DPP9: variants seen among roughly 807,000 people sequenced by gnomAD.
DPP9 encodes the protein dipeptidyl peptidase IV-related protein-2.
Under a neutral mutation model 110.7 loss-of-function variants are expected in DPP9, and 50 were observed. The observed-to-expected ratio is 0.45, with a 90% CI of 0.36 to 0.57. The LOEUF (loss-of-function observed/expected upper bound fraction) is 0.57, where lower values mean the gene tolerates loss of function less well. DPP9 is among the 20% of genes least tolerant of loss of function. The pLI, the probability that DPP9 is intolerant of heterozygous loss-of-function variation, is 0.00. For missense variants in DPP9, 1,022 were observed against 1,217.9 expected (o/e 0.84, Z 2.39); for synonymous variants, 561 against 514.4 (o/e 1.09, Z -1.23).
Position 4,710,428 on chromosome 19 carries a change from C to T in DPP9, c.313+3653G>A, listed in dbSNP as rs143033185. Among the ~76,000 whole-genome samples the T allele has an allele frequency of 3.3e-4, 50 of 152,328 alleles. No individual in the cohort carries two copies. The highest frequency in any genetic ancestry group is 1.0e-3 in the African/African-American group (43 of 41,586). ...CGTGGGGCGGGAGCGGGGTCGGGAG[C>T]GTTTCCCAATGCTGCAGTCTGAGGC... is the stretch of plus-strand genomic sequence containing the variant. On this transcript the variant is annotated intron_variant, in intron 4 of 21. Coordinates refer to ENST00000262960, the MANE Select transcript of DPP9 (RefSeq NM_139159.5). The surrounding 1 kb of genome is among the most constrained non-coding windows in gnomAD (Gnocchi z 5.6).
In DPP9 at chr19:4,685,861, G is replaced by A; in HGVS notation, c.1886-90C>T. On this transcript the variant is annotated intron_variant, in intron 16 of 21. Coordinates refer to ENST00000262960, the MANE Select transcript of DPP9 (RefSeq NM_139159.5). The surrounding 1 kb of genome is among the most constrained non-coding windows in gnomAD (Gnocchi z 5.8). ...TCCTGCCCACCCCAAGCCTTGGAGG[G>A]TGGACCAAAGCACCCCCTCTTTTCC... 3 of 1,471,730 alleles carry A rather than the reference G, an allele frequency of 2.0e-6. No individual in the cohort carries two copies. Among genetic ancestry groups the A allele is most frequent in the Non-Finnish European group, 2.8e-6 (3 of 1,090,412 alleles). The allele number at this position is 1,471,730 out of a possible 1,614,324, so 91.2% of individuals were successfully genotyped here.
chr19:4,684,582 C>T lies in DPP9; in HGVS notation c.2178+81G>A. On this transcript the variant is annotated intron_variant, in intron 18 of 21. Coordinates refer to ENST00000262960, the MANE Select transcript of DPP9 (RefSeq NM_139159.5). This position sits in a 1 kb window ranked among gnomAD's most constrained non-coding sequence, Gnocchi z 4.8. ...TTCTGCGGGTGGTATTCCAGAGCCG[C>T]TCCCATGCCCTGCACCCACACGGCC... 1 of 1,539,316 alleles carries T rather than the reference C, an allele frequency of 6.5e-7. No homozygotes were observed. Among genetic ancestry groups the T allele is most frequent in the Admixed American group, 2.0e-5 (1 of 51,092 alleles).
intron 3 of DPP9, chr19:4,716,247 G>C (rs2093068396): frequency 1.3e-5 from 2 of 152,254 alleles, no homozygotes; most frequent in South Asian, 4.1e-4. Flanking sequence ...GCCAAGAGGA[G>C]ACCCCACAGG....
rs116285262 is a variant in DPP9 at position 4,683,861 on chromosome 19, C to T, written c.2179-232G>A. ...CCCAGGTGAGTGGCTCTGGGAGCCA[C>T]GTCCCCTCTGAGGGCGTCAGTTTGC... On this transcript the variant is annotated intron_variant, in intron 18 of 21. Transcript: ENST00000262960. The T allele has an allele frequency of 1.2e-3, 1,810 of 1,513,346 alleles. 28 individuals carry two copies. In the African/African-American group the frequency reaches 0.022, roughly 18 times the overall value. The allele number at this position is 1,513,346 out of a possible 1,614,324, so 93.7% of individuals were successfully genotyped here.
rs2089577177 is a variant in DPP9 at position 4,679,959 on chromosome 19, T to C, written c.2475-13A>G. The C allele has an allele frequency of 6.3e-7, 1 of 1,598,486 alleles. No homozygotes were observed. The highest frequency in any genetic ancestry group is 1.3e-5 in the African/African-American group (1 of 74,554). ...CAAGCGGTTGGGCCTGGAAAACAGA[T>C]GGGGAAGGGTCTGAGGCCAGGGATT... On this transcript the variant is annotated splice_polypyrimidine_tract_variant and intron_variant, in intron 20 of 21. Transcript: ENST00000262960.
In DPP9 at chr19:4,697,618, G is replaced by C. The variant is rs77657310; in HGVS notation, c.1108C>G (p.Pro370Ala). 485 of 1,613,850 alleles carry C rather than the reference G, an allele frequency of 3.0e-4. 2 individuals are homozygous for C. The East Asian group carries it at 0.011, about 35-fold the overall frequency. ...ACCTTCGGGAACAGCGAGCTGAAGG[G>C]CTGCACCAGCTCCTTCTCCTGGGTC... ...VSTQEKELVQ[P>A]FSSLFPKVEY... The change falls in exon 11 of 22, where the codon CCC becomes GCC. Residue 370 changes from proline to alanine, a missense_variant. Coordinates refer to ENST00000262960, the MANE Select transcript of DPP9 (RefSeq NM_139159.5).
At chr19:4,697,774 C>G in intron 10 of DPP9, 123 bp from the exon 11 acceptor site, 1 of 705,302 alleles carries the variant, frequency 1.4e-6, no homozygotes, top group Non-Finnish European at 2.4e-6. Context: ...TCTCAGCCCC[C>G]AGAACCCCAG....
At position 4,714,258 on chromosome 19, in the gene DPP9, T is replaced by C; in HGVS notation, c.136A>G (p.Thr46Ala). Residue 46 changes from threonine (T) to alanine (A), a missense_variant, in exon 4 of 22, where the codon ACA becomes GCA. Thr to Ala is a moderately conservative substitution (Grantham distance 58). This residue lies in a region of DPP9 where 810 missense variants were observed against 920.6 expected (regional missense o/e 0.88). Coordinates refer to ENST00000262960, the MANE Select transcript of DPP9 (RefSeq NM_139159.5). ...PTADRGDAAATDDPAARFQVQ... is the reference protein window; with the variant it reads ...PTADRGDAAAADDPAARFQVQ... ...TGGAAGCGGGCGGCCGGGTCATCTG[T>C]GGCGGCTGCGTCGCCTCGGTCGGCC... 6.3e-7 allele frequency: 1 copy of C among 1,578,104 alleles called. No individual in the cohort carries two copies. Among genetic ancestry groups the C allele is most frequent in the Non-Finnish European group, 8.6e-7 (1 of 1,163,574 alleles).
In DPP9 at chr19:4,676,267, C is replaced by A; in HGVS notation, c.*297G>T. 8.8e-6 allele frequency: 4 copies of A among 453,734 alleles called. No individual in the cohort carries two copies. The highest frequency in any genetic ancestry group is 8.6e-5 in the South Asian group (4 of 46,608). 28.1% of individuals were successfully genotyped at this position (453,734 alleles called of 1,614,324 possible). A position where few individuals can be genotyped will look rare whatever the true frequency, so the allele number is the denominator to read the frequency against. On this transcript the variant is annotated 3_prime_UTR_variant, in exon 22 of 22. Coordinates refer to ENST00000262960, the MANE Select transcript of DPP9 (RefSeq NM_139159.5). The surrounding 1 kb of genome is among the most constrained non-coding windows in gnomAD (Gnocchi z 4.0). ...TCCTCTGAGTCTCTTCTGGCCTCTCCAGTGCCCATCAGCGTGTGACCTCCT... is the reference window on the plus strand; with the variant it reads ...TCCTCTGAGTCTCTTCTGGCCTCTCAAGTGCCCATCAGCGTGTGACCTCCT...
At position 4,710,511 on chromosome 19, in the gene DPP9, C is replaced by T. The variant is rs1043569717; in HGVS notation, c.313+3570G>A. On this transcript the variant is annotated intron_variant, in intron 4 of 21. Transcript: ENST00000262960. The surrounding 1 kb of genome is among the most constrained non-coding windows in gnomAD (Gnocchi z 5.6). Reference sequence around the variant, plus strand: ...CAGCAGCAGGAACCGCACGTTCCCCCGCTGCTCCTGCTAGCCTGACGCTGG... The same window carrying T: ...CAGCAGCAGGAACCGCACGTTCCCCTGCTGCTCCTGCTAGCCTGACGCTGG... Among the ~76,000 whole-genome samples, 7 of 152,320 alleles carry T rather than the reference C, an allele frequency of 4.6e-5. No homozygotes were observed. The highest frequency in any genetic ancestry group is 7.3e-5 in the Non-Finnish European group (5 of 68,030).
chr19:4,681,012 C>T (rs996829282), intron 20 of DPP9, among the ~76,000 whole-genome samples: 1 of 152,206 alleles, frequency 6.6e-6, no homozygotes, highest in African/African-American at 2.4e-5. Flanking sequence ...TGGAGTGTGG[C>T]ATGGGCTACT....
chr19:4,713,954 G>A, intron 4 of DPP9, 127 bp downstream of exon 4: 1 of 1,365,282 alleles, frequency 7.3e-7, no homozygotes, highest in Non-Finnish European at 9.7e-7. Flanking sequence ...TCGAAGGACA[G>A]CATGCCCAGG....
intron 19 of DPP9, 199 bp from the exon 20 acceptor site, chr19:4,683,037 C>T: frequency 6.6e-7 from 1 of 1,516,866 alleles, no homozygotes; most frequent in Non-Finnish European, 8.8e-7. Flanking sequence ...GGCAGGGCGC[C>T]ACAGGCGGGC....
intron 3 of DPP9, among the ~76,000 whole-genome samples, chr19:4,717,195 C>T (rs2093121165): frequency 6.6e-6 from 1 of 152,224 alleles, no homozygotes; most frequent in Admixed American, 6.5e-5. Flanking sequence ...AGTTCAGCTC[C>T]TCCTGAGACA....
rs576236202 is a variant in DPP9 at position 4,700,341 on chromosome 19, C to T, written c.1013-64G>A. ...CACCCGTGTGTGCCGAGAGCCGGCA[C>T]GGGGGGCCTGGGCTGTGGGGTGACG... On this transcript the variant is annotated intron_variant, in intron 9 of 21. Transcript: ENST00000262960. This position sits in a 1 kb window ranked among gnomAD's most constrained non-coding sequence, Gnocchi z 4.3. The T allele has an allele frequency of 2.5e-5, 35 of 1,425,204 alleles. No individual in the cohort carries two copies. Among genetic ancestry groups the T allele is most frequent in the African/African-American group, 1.1e-4 (8 of 70,912 alleles). The allele number at this position is 1,425,204 out of a possible 1,614,324, so 88.3% of individuals were successfully genotyped here.
intron 19 of DPP9, 56 bp downstream of exon 19, chr19:4,683,421 G>A: frequency 6.2e-7 from 1 of 1,605,838 alleles, no homozygotes; most frequent in East Asian, 2.2e-5. Flanking sequence ...ACGCGGCGTA[G>A]ATGGGGAAGG....
chr19:4,690,805 G>T, intron 14 of DPP9, 73 bp downstream of exon 14: 2 of 1,131,018 alleles, frequency 1.8e-6, no homozygotes, highest in Non-Finnish European at 1.3e-6. Flanking sequence ...ATGCGCGTGC[G>T]TGTGTGTGTG....
intron 1 of DPP9, among the ~76,000 whole-genome samples, chr19:4,723,373 G>A (rs939419755): frequency 2.0e-5 from 3 of 152,220 alleles, no homozygotes; most frequent in Non-Finnish European, 2.9e-5. Context: ...TCCGGAAGGG[G>A]TCAGAGCCTG....
Position 4,682,562 on chromosome 19 carries a change from C to T in DPP9, c.2474+134G>A, listed in dbSNP as rs1265782838. 29 of 1,327,636 alleles carry T rather than the reference C, an allele frequency of 2.2e-5. No homozygotes were observed. Among genetic ancestry groups the T allele is most frequent in the Middle Eastern group, 2.5e-4 (1 of 3,976 alleles). 82.2% of individuals were successfully genotyped at this position (1,327,636 alleles called of 1,614,324 possible). A position where few individuals can be genotyped will look rare whatever the true frequency, so the allele number is the denominator to read the frequency against. On this transcript the variant is annotated intron_variant, in intron 20 of 21. Coordinates refer to ENST00000262960, the MANE Select transcript of DPP9 (RefSeq NM_139159.5). This position sits in a 1 kb window ranked among gnomAD's most constrained non-coding sequence, Gnocchi z 7.1. ...GGCAGACGCCACCACAGGAGCACAG[C>T]GGGGAGGCTCCACATGGCCTGAGGC...
Sources: allele counts gnomAD v4.1 joint callset (sites outside exome capture counted in the v4.1 genomes callset), GRCh38; gene constraint gnomAD v4.1.1; regional missense constraint gnomAD v4.1.1; non-coding constraint Gnocchi (gnomAD v3.1); transcripts MANE v1.5; gene names NCBI Gene and HGNC (gene_info 2026-07-23, HGNC 2026-07-21).